LRRC1: variants seen among roughly 807,000 people sequenced by gnomAD.
LRRC1 encodes leucine rich repeat containing 1.
In LRRC1, 28 loss-of-function variants were observed where a neutral mutation model predicts 69.9. The observed-to-expected ratio is 0.40, with a 90% CI of 0.30 to 0.55. The LOEUF is 0.55. LRRC1 is among the 20% of genes least tolerant of loss of function. LRRC1 has a pLI of 0.47. For missense variants in LRRC1, 498 were observed against 609.0 expected (o/e 0.82, Z 1.92); for synonymous variants, 236 against 240.2 (o/e 0.98, Z 0.16).
chr6:53,901,672 T>C (rs1768060827), intron 8 of LRRC1, among the ~76,000 whole-genome samples: 1 of 152,184 alleles, frequency 6.6e-6, no homozygotes, highest in African/African-American at 2.4e-5. Flanking sequence ...ACTTCTCTGT[T>C]GGGGTGAGAT....
intron 10 of LRRC1, among the ~76,000 whole-genome samples, chr6:53,905,945 C>T (rs1433465607): frequency 6.6e-6 from 1 of 152,124 alleles, no homozygotes; most frequent in Non-Finnish European, 1.5e-5. Flanking sequence ...AAGCAATAAA[C>T]CAAAATACAG....
At chr6:53,825,561 T>G (rs1765231684) in intron 1 of LRRC1, among the ~76,000 whole-genome samples, 1 of 152,160 alleles carries the variant, frequency 6.6e-6, no homozygotes, top group Admixed American at 6.5e-5. Context: ...GGTTGTAGAA[T>G]CAGGGAAGGG....
rs186898819 is a variant in LRRC1 at position 53,857,366 on chromosome 6, C to T, written c.277+15139C>T. Among the ~76,000 whole-genome samples, 336 of 152,270 alleles carry T rather than the reference C, an allele frequency of 2.2e-3. 1 individual carries two copies. The highest frequency in any genetic ancestry group is 7.6e-3 in the African/African-American group (315 of 41,552). Reference sequence around the variant, plus strand: ...GTAGTGTGGGAGCCAAGCAACAGAACGACAGAGCAGAGGTCATCACTTTAA... The same window carrying T: ...GTAGTGTGGGAGCCAAGCAACAGAATGACAGAGCAGAGGTCATCACTTTAA... On this transcript the variant is annotated intron_variant, in intron 2 of 13. Transcript: ENST00000370888.
At chr6:53,819,097 G>C (rs886404013) in intron 1 of LRRC1, among the ~76,000 whole-genome samples, 1 of 152,140 alleles carries the variant, frequency 6.6e-6, no homozygotes, top group Non-Finnish European at 1.5e-5. Flanking sequence ...CTATGGGATC[G>C]GAAACTATAA....
At chr6:53,894,017 A>T (rs951485563) in intron 4 of LRRC1, among the ~76,000 whole-genome samples, 5 of 152,262 alleles carry the variant, frequency 3.3e-5, no homozygotes, top group Non-Finnish European at 4.4e-5. Context: ...AACAGCAAAA[A>T]TTCCAGTGTC....
chr6:53,866,111 A>G (rs937275498), intron 2 of LRRC1, among the ~76,000 whole-genome samples: 9 of 152,114 alleles, frequency 5.9e-5, no homozygotes, highest in African/African-American at 2.2e-4. Context: ...AAGAAAGCAT[A>G]TGCCCCAGGC....
chr6:53,844,886 G>A (rs558866820), intron 2 of LRRC1, among the ~76,000 whole-genome samples: 33 of 152,256 alleles, frequency 2.2e-4, no homozygotes, highest in Admixed American at 3.9e-4. Flanking sequence ...AAGGTTCAGG[G>A]CTTTCCTGGA....
chr6:53,800,920 G>A (rs981240584), intron 1 of LRRC1, among the ~76,000 whole-genome samples: 6 of 152,200 alleles, frequency 3.9e-5, no homozygotes, highest in African/African-American at 1.2e-4. Context: ...GATTACAGGC[G>A]TTAGCCACTG....
chr6:53,846,437 C>T (rs930639250), intron 2 of LRRC1, among the ~76,000 whole-genome samples: 1 of 152,232 alleles, frequency 6.6e-6, no homozygotes, highest in African/African-American at 2.4e-5. Flanking sequence ...GGAGCCCTGG[C>T]TCTGCTGTCA....
intron 7 of LRRC1, among the ~76,000 whole-genome samples, chr6:53,898,335 T>C (rs1335854681): frequency 1.3e-5 from 2 of 152,210 alleles, no homozygotes; most frequent in African/African-American, 4.8e-5. Context: ...CTAGGAAATA[T>C]GTGGGAAATC....
At chr6:53,815,639 G>A (rs1034060848) in intron 1 of LRRC1, among the ~76,000 whole-genome samples, 4 of 152,298 alleles carry the variant, frequency 2.6e-5, no homozygotes, top group Admixed American at 1.3e-4. Flanking sequence ...TTTCCAGACT[G>A]TAAGATTTGG....
chr6:53,855,196 G>A (rs1200363160), intron 2 of LRRC1, among the ~76,000 whole-genome samples: 2 of 152,236 alleles, frequency 1.3e-5, no homozygotes, highest in African/African-American at 4.8e-5. Context: ...GAAGCAATCA[G>A]CCTGTATTTA....
chr6:53,896,396 T>G (rs1767873723), intron 4 of LRRC1, 102 bp from the exon 5 acceptor site: 1 of 924,104 alleles, frequency 1.1e-6, no homozygotes, highest in Non-Finnish European at 1.8e-6. Context: ...TACTAGGTTT[T>G]ATTAAGTGTT....
At chr6:53,879,128 C>T in intron 3 of LRRC1, 57 bp downstream of exon 3, 1 of 1,200,894 alleles carries the variant, frequency 8.3e-7, no homozygotes, top group Non-Finnish European at 1.2e-6. Flanking sequence ...TTTTGAGAGC[C>T]AAGCGGAGAA....
At chr6:53,800,667 TCTCA>T (rs1180943512) in intron 1 of LRRC1, among the ~76,000 whole-genome samples, 1 of 151,840 alleles carries the variant, frequency 6.6e-6, no homozygotes, top group African/African-American at 2.4e-5. Context: ...TTAGACGGAA[TCTCA>T]CTCTGTCGCC....
Position 53,895,314 on chromosome 6 carries a change from T to G in LRRC1, c.447-1184T>G, listed in dbSNP as rs371173683. Among the ~76,000 whole-genome samples, 383 of 152,334 alleles carry G rather than the reference T, an allele frequency of 2.5e-3. 1 individual carries two copies. The highest frequency in any genetic ancestry group is 8.5e-3 in the African/African-American group (354 of 41,562). ...TAAAATTGGAGAAGGAGATGCAGGA[T>G]TTTTACATTTCATAATACAGTTAAA... On this transcript the variant is annotated intron_variant, in intron 4 of 13. Coordinates refer to ENST00000370888, the MANE Select transcript of LRRC1 (RefSeq NM_018214.5).
In LRRC1 at chr6:53,919,673, G is replaced by A. The variant is rs1554187453; in HGVS notation, c.1279+3G>A. ...GCCTTCTGAACCTACTTGTCAAGGT[G>A]AATTTAATTTAAGGACAGTATTCAC... On this transcript the variant is annotated splice_donor_region_variant and intron_variant, in intron 12 of 13. Transcript: ENST00000370888. 6 of 1,611,342 alleles carry A rather than the reference G, an allele frequency of 3.7e-6. No individual in the cohort carries two copies. The highest frequency in any genetic ancestry group is 2.5e-6 in the Non-Finnish European group (3 of 1,179,076).
chr6:53,833,391 AT>A (rs1419937466), intron 1 of LRRC1, among the ~76,000 whole-genome samples: 16 of 152,176 alleles, frequency 1.1e-4, no homozygotes, highest in Admixed American at 8.5e-4. Flanking sequence ...TTTGTTTAGG[AT>A]CATTAATGGT....
intron 10 of LRRC1, among the ~76,000 whole-genome samples, chr6:53,907,945 G>A (rs1768292421): frequency 6.6e-6 from 1 of 152,024 alleles, no homozygotes; most frequent in Non-Finnish European, 1.5e-5. Flanking sequence ...TAATGGAAAG[G>A]CTAGATTTGC....
Sources: allele counts gnomAD v4.1 joint callset (sites outside exome capture counted in the v4.1 genomes callset), GRCh38; gene constraint gnomAD v4.1.1; transcripts MANE v1.5; gene names NCBI Gene and HGNC (gene_info 2026-07-23, HGNC 2026-07-21).